DPYD: variants seen among roughly 807,000 people sequenced by gnomAD.
The protein encoded by DPYD is dihydropyrimidine dehydrogenase [NADP(+)].
Under a neutral mutation model 116.2 loss-of-function variants are expected in DPYD, and 109 were observed. That is an observed-to-expected ratio of 0.94 (90% CI 0.80 to 1.10). The LOEUF is 1.10. Among genes scored for constraint, DPYD ranks in the 50% least tolerant of loss-of-function variants. The probability of loss-of-function intolerance (pLI) is 0.00; values close to 1 mark genes in which losing one functional copy is unlikely to be tolerated. For synonymous variants in DPYD, 440 were observed against 432.0 expected (o/e 1.02, Z -0.23); for missense variants, 1,302 against 1,254.5 (o/e 1.04, Z -0.57).
At chr1:97,340,222 G>T (rs1211531206) in intron 16 of DPYD, among the ~76,000 whole-genome samples, 1 of 151,994 alleles carries the variant, frequency 6.6e-6, no homozygotes, top group African/African-American at 2.4e-5. Flanking sequence ...AAAAAAGAAT[G>T]CAGGAATGGA....
intron 16 of DPYD, among the ~76,000 whole-genome samples, chr1:97,321,023 C>T (rs1222792268): frequency 9.8e-6 from 1 of 101,658 alleles, no homozygotes. Flanking sequence ...GGAAAACTGA[C>T]TAGCCATATG....
At chr1:97,166,372 A>G (rs1656328418) in intron 20 of DPYD, among the ~76,000 whole-genome samples, 1 of 152,136 alleles carries the variant, frequency 6.6e-6, no homozygotes, top group Non-Finnish European at 1.5e-5. Flanking sequence ...GAATGAGAAC[A>G]CAGGAACACA....
chr1:97,397,416 C>G (rs756551781), intron 14 of DPYD, among the ~76,000 whole-genome samples: 8 of 152,052 alleles, frequency 5.3e-5, no homozygotes, highest in Non-Finnish European at 2.9e-5. Flanking sequence ...TGCTGTTACA[C>G]ATTCTATGGG....
At chr1:97,859,138 TTCTG>T (rs1270678194) in intron 2 of DPYD, among the ~76,000 whole-genome samples, 3 of 152,168 alleles carry the variant, frequency 2.0e-5, no homozygotes, top group Non-Finnish European at 2.9e-5. Context: ...GCTTTAAGAT[TTCTG>T]TCTGTTTGCC....
chr1:97,469,367 C>T (rs190093424), intron 13 of DPYD, among the ~76,000 whole-genome samples: 184 of 106,696 alleles, frequency 1.7e-3, no homozygotes, highest in Middle Eastern at 0.017. Context: ...AACTTGTTAG[C>T]TAAAATAGCT....
intron 19 of DPYD, among the ~76,000 whole-genome samples, chr1:97,226,978 A>G (rs1661210529): frequency 6.6e-6 from 1 of 152,176 alleles, no homozygotes; most frequent in East Asian, 1.9e-4. Flanking sequence ...GCCACGGAGA[A>G]ATGATACATT....
At position 97,285,327 on chromosome 1, in the gene DPYD, T is replaced by C. The variant is rs1412094426; in HGVS notation, c.2299+19932A>G. The stretch of plus-strand genomic sequence containing the variant: ...AAGAGGCTTCCTTCACTGTAGGTTC[T>C]ATCCTATGGCATCAGAACAAGAGCA... On this transcript the variant is annotated intron_variant, in intron 18 of 22. Coordinates refer to ENST00000370192, the MANE Select transcript of DPYD (RefSeq NM_000110.4). Among the ~76,000 whole-genome samples the C allele has an allele frequency of 2.0e-5, 3 of 152,356 alleles. No homozygotes were observed. The East Asian group carries it at 5.8e-4, about 29-fold the overall frequency.
intron 5 of DPYD, among the ~76,000 whole-genome samples, chr1:97,718,221 G>A (rs926498448): frequency 2.6e-5 from 4 of 151,888 alleles, no homozygotes; most frequent in Non-Finnish European, 4.4e-5. Context: ...GATGACTGGT[G>A]ATGTTGAGTA....
intron 3 of DPYD, among the ~76,000 whole-genome samples, chr1:97,787,364 T>G (rs139116736): frequency 6.6e-6 from 1 of 152,192 alleles, no homozygotes; most frequent in African/African-American, 2.4e-5. Context: ...TAAAGAAGTT[T>G]CAAGATGCTA....
At position 97,920,875 on chromosome 1, in the gene DPYD, A is replaced by T. The variant is rs746124273; in HGVS notation, c.39+9T>A. Reference sequence around the variant, plus strand: ...CGCCACCACCGACGAGCCGGCGCGAAGTCCGTACCTCGATGTCCGCCGAGT... The same window carrying T: ...CGCCACCACCGACGAGCCGGCGCGATGTCCGTACCTCGATGTCCGCCGAGT... On this transcript the variant is annotated intron_variant, in intron 1 of 22. Transcript: ENST00000370192. 1.3e-6 allele frequency: 2 copies of T among 1,591,590 alleles called. No individual in the cohort carries two copies. Among genetic ancestry groups the T allele is most frequent in the Non-Finnish European group, 1.7e-6 (2 of 1,169,540 alleles).
chr1:97,403,855 A>C (rs1240611613), intron 14 of DPYD, among the ~76,000 whole-genome samples: 2 of 150,812 alleles, frequency 1.3e-5, no homozygotes, highest in Non-Finnish European at 3.0e-5. Flanking sequence ...TTTGCTTTTC[A>C]TTTTCTGTTT....
intron 8 of DPYD, among the ~76,000 whole-genome samples, chr1:97,624,303 TG>T (rs1656797336): frequency 6.6e-6 from 1 of 151,966 alleles, no homozygotes; most frequent in Non-Finnish European, 1.5e-5. Flanking sequence ...CAATTAAAAA[TG>T]GGCAAGGGAT....
rs369060737 is a variant in DPYD, at chr1:97,149,390, T to A, written c.2622+43679A>T. On this transcript the variant is annotated intron_variant, in intron 20 of 22. Transcript: ENST00000370192. ...GCCTCAACATCCCAAGTAGCTGGGA[T>A]TACAGGCATGCACTGCCACGCCCAG... 3.9e-5 allele frequency among the ~76,000 whole-genome samples: 6 copies of A among 152,244 alleles called. No individual in the cohort carries two copies. The South Asian group carries it at 1.2e-3, about 32-fold the overall frequency.
chr1:97,254,345 C>T (rs776927440), intron 18 of DPYD, among the ~76,000 whole-genome samples: 53 of 152,086 alleles, frequency 3.5e-4, no homozygotes, highest in East Asian at 1.7e-3. Flanking sequence ...ATTCTAAAAA[C>T]GAAAGGAAAA....
chr1:97,659,321 A>C (rs1659120436), intron 8 of DPYD, among the ~76,000 whole-genome samples: 1 of 152,198 alleles, frequency 6.6e-6, no homozygotes, highest in African/African-American at 2.4e-5. Flanking sequence ...ACATATGTCC[A>C]ACCAGGCTGC....
intron 5 of DPYD, among the ~76,000 whole-genome samples, chr1:97,711,411 C>T (rs1405168105): frequency 6.6e-5 from 10 of 151,896 alleles, no homozygotes; most frequent in Non-Finnish European, 1.3e-4. Flanking sequence ...TAATTTATCG[C>T]ATACAGTACT....
At chr1:97,082,765 A>G (rs1649249924) in intron 21 of DPYD, among the ~76,000 whole-genome samples, 1 of 152,140 alleles carries the variant, frequency 6.6e-6, no homozygotes, top group Non-Finnish European at 1.5e-5. Flanking sequence ...AGAAAGAATA[A>G]ATGACACCCG....
intron 14 of DPYD, among the ~76,000 whole-genome samples, chr1:97,444,628 C>G (rs1186064633): frequency 1.3e-5 from 2 of 152,076 alleles, no homozygotes; most frequent in Non-Finnish European, 2.9e-5. Flanking sequence ...TATATACACA[C>G]ACAAACATAC....
chr1:97,261,548 T>C (rs1663881942), intron 18 of DPYD, among the ~76,000 whole-genome samples: 1 of 149,306 alleles, frequency 6.7e-6, no homozygotes, highest in Non-Finnish European at 1.5e-5. Context: ...CTCTCCTAAC[T>C]TGCCAAGCAG....
Sources: gnomAD v4.1 joint callset for allele counts (sites outside exome capture counted in the v4.1 genomes callset) on GRCh38, gnomAD v4.1.1 for gene constraint, MANE v1.5 for transcripts, NCBI Gene and HGNC (gene_info 2026-07-23, HGNC 2026-07-21) for gene names.